SUSD6: variants seen among roughly 807,000 people sequenced by gnomAD.
SUSD6 encodes sushi domain containing 6, also known as sushi domain-containing protein 6.
In SUSD6, 16 loss-of-function variants were observed where a neutral mutation model predicts 28.4. The ratio of observed to expected loss-of-function variants is 0.56; its 90% CI spans 0.38 to 0.86. The LOEUF is 0.86. SUSD6 is among the 40% of genes least tolerant of loss of function. The probability of loss-of-function intolerance (pLI) is 0.00; values close to 1 mark genes in which losing one functional copy is unlikely to be tolerated. For synonymous variants in SUSD6, 147 were observed against 159.6 expected, an observed-to-expected ratio of 0.92 and a Z score of 0.59; for missense variants, 341 against 384.2, an observed-to-expected ratio of 0.89 and a Z score of 0.94.
intron 1 of SUSD6, among the ~76,000 whole-genome samples, chr14:69,637,711 T>A (rs74060242): frequency 0.045 from 6,902 of 152,202 alleles, 224 homozygotes; most frequent in South Asian, 0.14. Flanking sequence ...CCTCCTCATC[T>A]CCAGCCCTGG....
chr14:69,687,632 T>C (rs1040268291), intron 2 of SUSD6, among the ~76,000 whole-genome samples: 2 of 152,178 alleles, frequency 1.3e-5, no homozygotes, highest in African/African-American at 4.8e-5. Context: ...AACGACAAAG[T>C]TTTTAAGAAA....
chr14:69,631,971 T>A (rs1885201183), intron 1 of SUSD6, among the ~76,000 whole-genome samples: 1 of 152,168 alleles, frequency 6.6e-6, no homozygotes, highest in African/African-American at 2.4e-5. Flanking sequence ...CACCAAGGTG[T>A]TAATACCAAC....
At chr14:69,633,096 C>T (rs564590647) in intron 1 of SUSD6, among the ~76,000 whole-genome samples, 1 of 152,282 alleles carries the variant, frequency 6.6e-6, no homozygotes, top group South Asian at 2.1e-4. Context: ...TCAGGATATT[C>T]TTGGTCCTCA....
chr14:69,654,613 G>A (rs1885551066), intron 1 of SUSD6, among the ~76,000 whole-genome samples: 1 of 152,142 alleles, frequency 6.6e-6, no homozygotes. Flanking sequence ...GGAAGGCCTT[G>A]CTACATTAAC....
At chr14:69,653,438 A>C (rs1005747298) in intron 1 of SUSD6, among the ~76,000 whole-genome samples, 1 of 152,186 alleles carries the variant, frequency 6.6e-6, no homozygotes, top group Non-Finnish European at 1.5e-5. Context: ...CCTTTTTCAG[A>C]TGTGGAAACA....
chr14:69,669,343 TGAGCCA>T (rs1257663661), intron 2 of SUSD6, among the ~76,000 whole-genome samples: 35 of 152,356 alleles, frequency 2.3e-4, no homozygotes, highest in Non-Finnish European at 5.0e-4. Flanking sequence ...ATTACAGGCC[TGAGCCA>T]GTGCTCCTGG....
intron 2 of SUSD6, among the ~76,000 whole-genome samples, chr14:69,667,407 C>T (rs536342792): frequency 9.8e-5 from 14 of 142,860 alleles, no homozygotes; most frequent in Middle Eastern, 3.8e-3. Context: ...GACGGAGTCT[C>T]GCTCTGTCGC....
At chr14:69,710,588 A>G (rs1886448518) in intron 5 of SUSD6, among the ~76,000 whole-genome samples, 1 of 152,206 alleles carries the variant, frequency 6.6e-6, no homozygotes, top group African/African-American at 2.4e-5. Context: ...TGATTTATCC[A>G]AAGTCACACG....
intron 1 of SUSD6, among the ~76,000 whole-genome samples, chr14:69,637,285 G>T (rs1178607025): frequency 6.6e-6 from 1 of 152,050 alleles, no homozygotes; most frequent in Non-Finnish European, 1.5e-5. Flanking sequence ...TACACCCTGT[G>T]CTCAGTACTT....
At position 69,658,575 on chromosome 14, in the gene SUSD6, A is replaced by C. The variant is rs375610588; in HGVS notation, c.-18A>C. Reference sequence around the variant, plus strand: ...ATTTTAAATTTTTTCTTTTTAAAAAAACTTGGACGGATAAAAGATGTGCCA... The same window carrying C: ...ATTTTAAATTTTTTCTTTTTAAAAACACTTGGACGGATAAAAGATGTGCCA... On this transcript the variant is annotated 5_prime_UTR_variant, in exon 2 of 6. Coordinates refer to ENST00000342745, the MANE Select transcript of SUSD6 (RefSeq NM_014734.4). 40 of 1,613,350 alleles carry C rather than the reference A, an allele frequency of 2.5e-5. No homozygotes were observed. In the African/African-American group the frequency reaches 5.3e-4, roughly 22 times the overall value.
At chr14:69,659,707 C>T (rs879619137) in intron 2 of SUSD6, among the ~76,000 whole-genome samples, 4 of 152,112 alleles carry the variant, frequency 2.6e-5, no homozygotes, top group African/African-American at 4.8e-5. Flanking sequence ...TTAGTTGAGA[C>T]GGGGTTTCAC....
At chr14:69,664,895 A>C (rs996843452) in intron 2 of SUSD6, among the ~76,000 whole-genome samples, 1 of 152,202 alleles carries the variant, frequency 6.6e-6, no homozygotes, top group African/African-American at 2.4e-5. Flanking sequence ...CAATGATTCT[A>C]GGTAGGTTTC....
chr14:69,613,819 C>A (rs994623973), intron 1 of SUSD6, among the ~76,000 whole-genome samples: 3 of 152,314 alleles, frequency 2.0e-5, no homozygotes, highest in African/African-American at 4.8e-5. Flanking sequence ...TCCTCACTTA[C>A]ACCTAGATAG....
chr14:69,641,788 G>C (rs1315719997), intron 1 of SUSD6, among the ~76,000 whole-genome samples: 1 of 148,852 alleles, frequency 6.7e-6, no homozygotes, highest in African/African-American at 2.6e-5. Context: ...TTTGTAGAGA[G>C]GAGGGGGGGT....
chr14:69,648,956 TG>T (rs1885466355), intron 1 of SUSD6, among the ~76,000 whole-genome samples: 1 of 152,206 alleles, frequency 6.6e-6, no homozygotes, highest in East Asian at 1.9e-4. Flanking sequence ...TAAGTAGCAC[TG>T]TGCATGCAAA....
chr14:69,699,686 A>G (rs1886285854), intron 2 of SUSD6, among the ~76,000 whole-genome samples: 1 of 151,818 alleles, frequency 6.6e-6, no homozygotes, highest in African/African-American at 2.4e-5. Flanking sequence ...TTATTTTGCC[A>G]TACTGAAGCG....
chr14:69,699,226 CAG>C (rs1886277272), intron 2 of SUSD6, among the ~76,000 whole-genome samples: 2 of 151,874 alleles, frequency 1.3e-5, no homozygotes, highest in South Asian at 2.1e-4. Context: ...TTTTTTTAAA[CAG>C]AGTCTCACTT....
At chr14:69,612,235 G>T (rs1019302258) in intron 1 of SUSD6, among the ~76,000 whole-genome samples, 2 of 152,124 alleles carry the variant, frequency 1.3e-5, no homozygotes, top group Non-Finnish European at 2.9e-5. Flanking sequence ...TGTCATTACT[G>T]CCCTCAGCCC....
At position 69,713,047 on chromosome 14, in the gene SUSD6, A is replaced by C. The variant is rs1045984697; in HGVS notation, c.*2068A>C. Reference sequence around the variant, plus strand: ...GGGAGGGGTGGTAATCTGAAGTCTCACTGCTGAGCCTTCAGCTTTTATTTT... The same window carrying C: ...GGGAGGGGTGGTAATCTGAAGTCTCCCTGCTGAGCCTTCAGCTTTTATTTT... On this transcript the variant is annotated 3_prime_UTR_variant, in exon 6 of 6. Coordinates refer to ENST00000342745, the MANE Select transcript of SUSD6 (RefSeq NM_014734.4). 6.6e-6 allele frequency: 1 copy of C among 152,212 alleles called. No homozygotes were observed. The highest frequency in any genetic ancestry group is 2.4e-5 in the African/African-American group (1 of 41,430). The allele number at this position is 152,212 out of a possible 1,614,324, so 9.4% of individuals were successfully genotyped here.
Sources: gnomAD v4.1 joint callset for allele counts (sites outside exome capture counted in the v4.1 genomes callset) on GRCh38, gnomAD v4.1.1 for gene constraint, MANE v1.5 for transcripts, NCBI Gene and HGNC (gene_info 2026-07-23, HGNC 2026-07-21) for gene names.